Variants in VAT1L observed in about 807,000 individuals in gnomAD.
VAT1L encodes putative NADPH-dependent quinone oxidoreductase VAT1L.
A neutral mutation model predicts 44.1 loss-of-function variants in VAT1L; 34 were observed. That is an observed-to-expected ratio of 0.77 (90% CI 0.59 to 1.03). The LOEUF is 1.03. VAT1L is among the 50% of genes least tolerant of loss of function. The pLI, the probability that VAT1L is intolerant of heterozygous loss-of-function variation, is 0.00. For synonymous variants in VAT1L, 253 were observed against 202.2 expected (o/e 1.25, Z -2.13); for missense variants, 615 against 538.8 (o/e 1.14, Z -1.40).
At chr16:77,935,516 A>C (rs1249738240) in intron 7 of VAT1L, among the ~76,000 whole-genome samples, 1 of 149,150 alleles carries the variant, frequency 6.7e-6, no homozygotes, top group Non-Finnish European at 1.5e-5. Context: ...AAAAAAAAAA[A>C]CTACCCTTAT....
intron 7 of VAT1L, among the ~76,000 whole-genome samples, chr16:77,934,221 G>T (rs138394495): frequency 6.6e-6 from 1 of 152,090 alleles, no homozygotes; most frequent in Non-Finnish European, 1.5e-5. Flanking sequence ...CGTAAAGATT[G>T]AGGGGAAGAA....
At chr16:77,935,512 A>AC (rs1255530706) in intron 7 of VAT1L, among the ~76,000 whole-genome samples, 2 of 151,828 alleles carry the variant, frequency 1.3e-5, no homozygotes, top group Non-Finnish European at 2.9e-5. Flanking sequence ...AAAAAAAAAA[A>AC]AAAACTACCC....
intron 1 of VAT1L, among the ~76,000 whole-genome samples, chr16:77,799,440 A>G (rs1338606584): frequency 6.6e-6 from 1 of 151,202 alleles, no homozygotes. Context: ...CCTGTGCCTC[A>G]TGCTCTCTTA....
At chr16:77,901,646 G>A (rs1273952122) in intron 7 of VAT1L, among the ~76,000 whole-genome samples, 2 of 152,068 alleles carry the variant, frequency 1.3e-5, no homozygotes, top group African/African-American at 2.4e-5. Flanking sequence ...CAGGTTTGCA[G>A]GCCATCAGCA....
chr16:77,824,849 G>A (rs940276883), intron 2 of VAT1L, among the ~76,000 whole-genome samples: 4 of 146,776 alleles, frequency 2.7e-5, no homozygotes, highest in Non-Finnish European at 6.0e-5. Flanking sequence ...ACCGTGGATA[G>A]CTCCCAATAA....
chr16:77,903,126 C>G (rs1389584767), intron 7 of VAT1L, among the ~76,000 whole-genome samples: 1 of 152,130 alleles, frequency 6.6e-6, no homozygotes, highest in Non-Finnish European at 1.5e-5. Context: ...ATAGACATCT[C>G]CTGGGTTTAG....
At chr16:77,829,148 A>G (rs892578452) in intron 3 of VAT1L, among the ~76,000 whole-genome samples, 2 of 152,204 alleles carry the variant, frequency 1.3e-5, no homozygotes, top group African/African-American at 4.8e-5. Flanking sequence ...AAATGTTGGG[A>G]GAGCCAGCCC....
intron 7 of VAT1L, among the ~76,000 whole-genome samples, chr16:77,907,983 G>A (rs2017455697): frequency 2.0e-5 from 3 of 152,220 alleles, no homozygotes; most frequent in Admixed American, 2.0e-4. Flanking sequence ...GCTCACGCCT[G>A]TAATCCCAGC....
intron 4 of VAT1L, among the ~76,000 whole-genome samples, chr16:77,864,898 G>C (rs114581777): frequency 0.015 from 2,208 of 151,612 alleles, 53 homozygotes; most frequent in African/African-American, 0.05. Context: ...CAGATGTCTA[G>C]AGGCTGCAGG....
chr16:77,965,680 C>T (rs893014935), intron 7 of VAT1L, among the ~76,000 whole-genome samples: 3 of 152,174 alleles, frequency 2.0e-5, no homozygotes. Context: ...GAACAGACTC[C>T]GCTGGGCCAC....
At chr16:77,792,180 T>A (rs565006425) in intron 1 of VAT1L, among the ~76,000 whole-genome samples, 7 of 152,332 alleles carry the variant, frequency 4.6e-5, no homozygotes, top group African/African-American at 1.7e-4. Flanking sequence ...TAGGATTCAT[T>A]GTGACTGTCG....
intron 3 of VAT1L, among the ~76,000 whole-genome samples, chr16:77,855,977 C>T (rs2016854376): frequency 6.6e-6 from 1 of 152,154 alleles, no homozygotes; most frequent in Admixed American, 6.5e-5. Flanking sequence ...GATTGTGCCA[C>T]TGCTCTCCAG....
intron 3 of VAT1L, among the ~76,000 whole-genome samples, chr16:77,839,536 A>C (rs56094206): frequency 0.078 from 1,954 of 24,984 alleles, 59 homozygotes; most frequent in Non-Finnish European, 0.088. Context: ...ACTCCATATC[A>C]AAAAAAAAAA....
intron 7 of VAT1L, among the ~76,000 whole-genome samples, chr16:77,948,009 C>T (rs1248730799): frequency 2.0e-5 from 3 of 152,228 alleles, no homozygotes; most frequent in Non-Finnish European, 2.9e-5. Context: ...ATCCAACCAC[C>T]TGGGCCTCCC....
chr16:77,801,635 T>C (rs2016054853), intron 1 of VAT1L: 2 of 151,732 alleles, frequency 1.3e-5, no homozygotes, highest in Admixed American at 6.6e-5. Flanking sequence ...ACTGCACTCT[T>C]CATACTCCTA....
In VAT1L at chr16:77,821,490, A is replaced by G. The variant is rs144105762; in HGVS notation, c.364-3756A>G. 3.4e-3 allele frequency among the ~76,000 whole-genome samples: 514 copies of G among 152,126 alleles called. 2 individuals carry two copies. Among genetic ancestry groups the G allele is most frequent in the African/African-American group, 0.012 (489 of 41,524 alleles). Reference sequence around the variant, plus strand: ...GTATTTTTAGTAGAGAAAGAGTTTCACCATGTTGGCCAGGCTGATCTCAAA... The same window carrying G: ...GTATTTTTAGTAGAGAAAGAGTTTCGCCATGTTGGCCAGGCTGATCTCAAA... On this transcript the variant is annotated intron_variant, in intron 2 of 8. Transcript: ENST00000302536.
At chr16:77,977,473 C>A in intron 8 of VAT1L, 124 bp from the exon 9 acceptor site, 1 of 906,966 alleles carries the variant, frequency 1.1e-6, no homozygotes, top group South Asian at 1.7e-5. Context: ...GCATTGCCTT[C>A]CAGGGAAACA....
chr16:77,896,627 C>CT (rs1314740457), intron 7 of VAT1L, among the ~76,000 whole-genome samples: 2 of 152,128 alleles, frequency 1.3e-5, no homozygotes, highest in African/African-American at 4.8e-5. Context: ...GGATATGCCC[C>CT]GCGAAAGATT....
chr16:77,827,697 C>T (rs980671243), intron 3 of VAT1L, among the ~76,000 whole-genome samples: 2 of 152,144 alleles, frequency 1.3e-5, no homozygotes, highest in African/African-American at 4.8e-5. Flanking sequence ...TCCATGTGAA[C>T]TAGTGTTCAT....
Sources: gnomAD v4.1 joint callset for allele counts (sites outside exome capture counted in the v4.1 genomes callset) on GRCh38, gnomAD v4.1.1 for gene constraint, MANE v1.5 for transcripts, NCBI Gene and HGNC (gene_info 2026-07-23, HGNC 2026-07-21) for gene names.